The following KCNH6 variants were observed in gnomAD, a reference collection of about 807,000 sequenced individuals.
KCNH6 encodes the protein potassium voltage-gated channel subfamily H member 6, also known as voltage-gated inwardly rectifying potassium channel KCNH6.
KCNH6 carries 81 observed loss-of-function variants against 83.4 expected under a neutral mutation model. The ratio of observed to expected loss-of-function variants is 0.97; its 90% confidence interval spans 0.81 to 1.17. KCNH6 has a LOEUF of 1.17. Among genes scored for constraint, KCNH6 ranks in the 50% most tolerant of loss-of-function variants. The pLI, the probability that KCNH6 is intolerant of heterozygous loss-of-function variation, is 0.00. For missense variants in KCNH6, 1,203 were observed against 1,290.5 expected (o/e 0.93, Z 1.04); for synonymous variants, 503 against 545.6 (o/e 0.92, Z 1.09).
At chr17:63,547,639 T>C (rs1025542383), downstream of KCNH6, among the ~76,000 whole-genome samples, 6 of 152,196 alleles carry the variant, frequency 3.9e-5, no homozygotes, top group Non-Finnish European at 5.9e-5. Context: ...CCCTATCATA[T>C]GTTTGCAACA....
At chr17:63,524,967 T>A (rs1037390589) in intron 2 of KCNH6, among the ~76,000 whole-genome samples, 1 of 152,066 alleles carries the variant, frequency 6.6e-6, no homozygotes, top group East Asian at 1.9e-4. Context: ...TCAGCAGCCC[T>A]TGGAAATCCT....
In KCNH6 at chr17:63,544,231, T is replaced by A. The variant is rs2033030124; in HGVS notation, c.2234-18T>A. The A allele has an allele frequency of 6.3e-7, 1 of 1,583,450 alleles. No individual in the cohort carries two copies. Among genetic ancestry groups the A allele is most frequent in the Middle Eastern group, 1.7e-4 (1 of 5,954 alleles). ...GAACCAGCTAGGCCCAGCTGAGACTTCCCTTTCCCTCCTGCAGATGCAGCC... is the reference window on the plus strand; with the variant it reads ...GAACCAGCTAGGCCCAGCTGAGACTACCCTTTCCCTCCTGCAGATGCAGCC... On this transcript the variant is annotated intron_variant, in intron 10 of 12. Coordinates refer to ENST00000314672, the MANE Select transcript of KCNH6 (RefSeq NM_001278919.2).
chr17:63,545,058 T>C lies in KCNH6; in HGVS notation c.2397-20T>C. On this transcript the variant is annotated intron_variant, in intron 11 of 12. Coordinates refer to ENST00000314672, the MANE Select transcript of KCNH6 (RefSeq NM_001278919.2). The stretch of plus-strand genomic sequence containing the variant: ...TACTTTTGCCAGCCCTGACCCTGAC[T>C]GTGGGGTTCTGTCTGGCAGGCTGGA... 6.2e-7 allele frequency: 1 copy of C among 1,609,862 alleles called. No individual in the cohort carries two copies. The highest frequency in any genetic ancestry group is 8.5e-7 in the Non-Finnish European group (1 of 1,179,544).
In KCNH6 at chr17:63,533,936, G is replaced by C. The variant is rs200501259; in HGVS notation, c.726G>C (p.Pro242=). ...DVLPEYKLQA[P]RIHRWTILHY... is the part of the protein sequence containing the mutation. The stretch of plus-strand genomic sequence containing the variant: ...TGCCGGAGTACAAGCTGCAGGCGCC[G>C]CGCATCCACCGCTGGACCATCCTGC... Residue 242 remains proline, a synonymous_variant, in exon 5 of 13, where the codon CCG becomes CCC. Transcript: ENST00000314672. This position sits in a 1 kb window ranked among gnomAD's most constrained non-coding sequence, Gnocchi z 4.1. 1 of 1,613,986 alleles carries C rather than the reference G, an allele frequency of 6.2e-7. No individual in the cohort carries two copies.
chr17:63,535,673 C>A lies in KCNH6; in HGVS notation c.1106C>A (p.Thr369Lys). ...LIFRTGSDET[T>K]TLIGLLKTAR... ...ACCATTTCCCTACCCCTCCAGACCA[C>A]AACCCTGATTGGGCTATTGAAGACA... Residue 369 changes from threonine to lysine, a missense_variant, in exon 6 of 13, where the codon ACA (threonine) becomes AAA (lysine). Transcript: ENST00000314672. This position sits in a 1 kb window ranked among gnomAD's most constrained non-coding sequence, Gnocchi z 4.9. 6.2e-7 allele frequency: 1 copy of A among 1,601,584 alleles called. No individual in the cohort carries two copies. Among genetic ancestry groups the A allele is most frequent in the Non-Finnish European group, 8.5e-7 (1 of 1,171,894 alleles).
chr17:63,532,573 G>A (rs1295015550), intron 4 of KCNH6, among the ~76,000 whole-genome samples: 1 of 152,208 alleles, frequency 6.6e-6, no homozygotes, highest in African/African-American at 2.4e-5. Flanking sequence ...GAGGCCTCAA[G>A]GCTGAGCAGG....
chr17:63,533,143 C>T lies in KCNH6; in HGVS notation c.676-743C>T, dbSNP rs1447221450. On this transcript the variant is annotated intron_variant, in intron 4 of 12. Coordinates refer to ENST00000314672, the MANE Select transcript of KCNH6 (RefSeq NM_001278919.2). This position sits in a 1 kb window ranked among gnomAD's most constrained non-coding sequence, Gnocchi z 4.1. ...CTCATGTTGGGCAGCTGGGCAGAGC[C>T]AGGGCATGTTGTGCTGGGACCTAGA... Among the ~76,000 whole-genome samples, 1 of 151,024 alleles carries T rather than the reference C, an allele frequency of 6.6e-6. No homozygotes were observed. Among genetic ancestry groups the T allele is most frequent in the African/African-American group, 2.4e-5 (1 of 40,928 alleles).
chr17:63,535,228 C>A lies in KCNH6; in HGVS notation c.1102-441C>A, dbSNP rs1568076357. Among the ~76,000 whole-genome samples, 1 of 152,214 alleles carries A rather than the reference C, an allele frequency of 6.6e-6. No homozygotes were observed. Among genetic ancestry groups the A allele is most frequent in the Non-Finnish European group, 1.5e-5 (1 of 68,034 alleles). ...CACGGCTCTCACTGCTCCTCCATCTCCCATGTGCGCATCGGGCTGCAGTGC... is the reference window on the plus strand; with the variant it reads ...CACGGCTCTCACTGCTCCTCCATCTACCATGTGCGCATCGGGCTGCAGTGC... On this transcript the variant is annotated intron_variant, in intron 5 of 12. Transcript: ENST00000314672. This position sits in a 1 kb window ranked among gnomAD's most constrained non-coding sequence, Gnocchi z 4.9.
chr17:63,543,968 TC>T, intron 10 of KCNH6: 1 of 1,128,290 alleles, frequency 8.9e-7, no homozygotes, highest in Non-Finnish European at 1.3e-6. Flanking sequence ...GGGCTGCAGC[TC>T]CCTGGGCAGT....
At chr17:63,528,048 C>T (rs1044417347) in intron 2 of KCNH6, among the ~76,000 whole-genome samples, 3 of 152,236 alleles carry the variant, frequency 2.0e-5, no homozygotes, top group Non-Finnish European at 2.9e-5. Context: ...TGACAGCCCC[C>T]AGCAGCTTAG....
intron 4 of KCNH6, among the ~76,000 whole-genome samples, chr17:63,531,842 C>T (rs545339216): frequency 6.6e-6 from 1 of 152,320 alleles, no homozygotes; most frequent in East Asian, 1.9e-4. Flanking sequence ...CCTGCCTACC[C>T]GTTTGTTCCT....
In KCNH6 at chr17:63,538,014, G is replaced by A. The variant is rs772800712; in HGVS notation, c.1502-51G>A. 2 of 1,563,660 alleles carry A rather than the reference G, an allele frequency of 1.3e-6. No homozygotes were observed. Among genetic ancestry groups the A allele is most frequent in the Non-Finnish European group, 1.7e-6 (2 of 1,145,682 alleles). On this transcript the variant is annotated intron_variant, in intron 6 of 12. Transcript: ENST00000314672. This position sits in a 1 kb window ranked among gnomAD's most constrained non-coding sequence, Gnocchi z 4.0. The stretch of plus-strand genomic sequence containing the variant: ...AGGAAGACCTGGGTAAGCCCTTGGT[G>A]GTGTGGCCCAGTGGGGCCGCGGAGG...
At chr17:63,527,486 T>C (rs2031795046) in intron 2 of KCNH6, among the ~76,000 whole-genome samples, 1 of 151,696 alleles carries the variant, frequency 6.6e-6, no homozygotes, top group Non-Finnish European at 1.5e-5. Context: ...AGAATTGGGG[T>C]CTCCCAGGGG....
chr17:63,543,887 G>A, intron 10 of KCNH6: 1 of 644,680 alleles, frequency 1.6e-6, no homozygotes, highest in Non-Finnish European at 2.7e-6. Context: ...TGGTTCAAAT[G>A]CAACCCCCAG....
At chr17:63,545,461 C>T in intron 12 of KCNH6, 148 bp from the exon 13 acceptor site, 2 of 974,052 alleles carry the variant, frequency 2.1e-6, no homozygotes, top group South Asian at 1.7e-5. Context: ...CAGAATGTGA[C>T]TCCAGAGCCT....
chr17:63,524,048 C>A, intron 1 of KCNH6, 91 bp from the exon 2 acceptor site: 2 of 892,784 alleles, frequency 2.2e-6, no homozygotes, highest in Non-Finnish European at 3.7e-6. Flanking sequence ...CTAAATTCCC[C>A]TTACTGCCAC....
chr17:63,527,563 A>AG lies in KCNH6; in HGVS notation c.308-2523dup, dbSNP rs527813721. On this transcript the variant is annotated intron_variant, in intron 2 of 12. Transcript: ENST00000314672. ...CATATAAGAAGGAATGGGAATTCCC[A>AG]GGGGGCAGACAAACCTGCTGCCCTT... 1.8e-4 allele frequency among the ~76,000 whole-genome samples: 28 copies of AG among 152,304 alleles called. No individual in the cohort carries two copies. The South Asian group carries it at 5.8e-3, about 32-fold the overall frequency.
rs945187517 is a variant in KCNH6, at chr17:63,524,459, A to C, written c.307+90A>C. 11 of 1,046,072 alleles carry C rather than the reference A, an allele frequency of 1.1e-5. No individual in the cohort carries two copies. The African/African-American group carries it at 1.7e-4, about 16-fold the overall frequency. 64.8% of individuals were successfully genotyped at this position (1,046,072 alleles called of 1,614,324 possible). On this transcript the variant is annotated intron_variant, in intron 2 of 12. Coordinates refer to ENST00000314672, the MANE Select transcript of KCNH6 (RefSeq NM_001278919.2). ...GTGGCCTTGGGGAAGGCACTGACCC[A>C]GGGTCCAAAGGGCCTGAACAAACCC...
chr17:63,544,142 C>G, intron 10 of KCNH6, 107 bp from the exon 11 acceptor site: 2 of 1,599,776 alleles, frequency 1.3e-6, no homozygotes, highest in Non-Finnish European at 1.7e-6. Context: ...ACTCCTCACA[C>G]CCTGTGTCCC....
Sources: allele counts gnomAD v4.1 joint callset (sites outside exome capture counted in the v4.1 genomes callset), GRCh38; gene constraint gnomAD v4.1.1; non-coding constraint Gnocchi (gnomAD v3.1); transcripts MANE v1.5; gene names NCBI Gene and HGNC (gene_info 2026-07-23, HGNC 2026-07-21).